The following B3GLCT variants were observed in gnomAD, a reference collection of about 807,000 sequenced individuals.
B3GLCT encodes the protein beta 3-glucosyltransferase, also known as beta-1,3-glucosyltransferase.
A neutral mutation model predicts 63.4 loss-of-function variants in B3GLCT; 65 were observed. The ratio of observed to expected loss-of-function variants is 1.03; its 90% CI spans 0.84 to 1.26. The LOEUF is 1.26. B3GLCT is among the 50% of genes most tolerant of loss of function. The probability of loss-of-function intolerance (pLI) is 0.00; values close to 1 mark genes in which losing one functional copy is unlikely to be tolerated. For missense variants in B3GLCT, 577 were observed against 604.8 expected (o/e 0.95, Z 0.48); for synonymous variants, 233 against 219.2 (o/e 1.06, Z -0.55).
At position 31,322,680 on chromosome 13, in the gene B3GLCT, A is replaced by G. The variant is rs143770431; in HGVS notation, c.1185-1071A>G. Reference sequence around the variant, plus strand: ...TAAAATAATTACATATTAAAATTTCATGCTCACGTTTCATCTTCCTATAAA... The same window carrying G: ...TAAAATAATTACATATTAAAATTTCGTGCTCACGTTTCATCTTCCTATAAA... On this transcript the variant is annotated intron_variant, in intron 13 of 14. Transcript: ENST00000343307. 7.5e-4 allele frequency among the ~76,000 whole-genome samples: 114 copies of G among 152,294 alleles called. 1 individual carries two copies. Among genetic ancestry groups the G allele is most frequent in the African/African-American group, 2.6e-3 (109 of 41,552 alleles).
chr13:31,253,291 CAATT>C (rs2137815957), intron 6 of B3GLCT, among the ~76,000 whole-genome samples: 1 of 152,126 alleles, frequency 6.6e-6, no homozygotes, highest in Admixed American at 6.5e-5. Context: ...TCTAACATCA[CAATT>C]AAAAGAATAG....
chr13:31,242,941 T>G (rs1355022676), intron 4 of B3GLCT, among the ~76,000 whole-genome samples: 1 of 152,206 alleles, frequency 6.6e-6, no homozygotes, highest in Non-Finnish European at 1.5e-5. Flanking sequence ...GGGCCATAAA[T>G]GAATACTGGA....
intron 10 of B3GLCT, among the ~76,000 whole-genome samples, chr13:31,281,996 A>T (rs1036724981): frequency 6.6e-6 from 1 of 152,214 alleles, no homozygotes; most frequent in African/African-American, 2.4e-5. Context: ...TGGCATTTTT[A>T]TAGTAAAATT....
chr13:31,329,400 G>A (rs1875797142), intron 14 of B3GLCT, 101 bp from the exon 15 acceptor site: 4 of 1,290,936 alleles, frequency 3.1e-6, no homozygotes, highest in Non-Finnish European at 4.5e-6. Context: ...GCCAATGTTA[G>A]GTAGTGAAGT....
Position 31,260,876 on chromosome 13 carries a change from G to A in B3GLCT, c.460-70G>A. 4 of 1,424,642 alleles carry A rather than the reference G, an allele frequency of 2.8e-6. No homozygotes were observed. In the South Asian group the frequency reaches 4.7e-5, roughly 17 times the overall value. 88.3% of individuals were successfully genotyped at this position (1,424,642 alleles called of 1,614,324 possible). A position where few individuals can be genotyped will look rare whatever the true frequency, so the allele number is the denominator to read the frequency against. On this transcript the variant is annotated intron_variant, in intron 6 of 14. Coordinates refer to ENST00000343307, the MANE Select transcript of B3GLCT (RefSeq NM_194318.4). ...AATATTTAATTATCTGAAACCAATAGTACCACCTTCTATTGGTCTTACATG... is the reference window on the plus strand; with the variant it reads ...AATATTTAATTATCTGAAACCAATAATACCACCTTCTATTGGTCTTACATG...
At chr13:31,222,628 C>T (rs1188044576) in intron 2 of B3GLCT, among the ~76,000 whole-genome samples, 1 of 152,216 alleles carries the variant, frequency 6.6e-6, no homozygotes, top group East Asian at 1.9e-4. Context: ...AATGGACCCT[C>T]CTGAGAATAT....
chr13:31,268,256 A>T (rs1433219305), intron 7 of B3GLCT, among the ~76,000 whole-genome samples: 1 of 152,192 alleles, frequency 6.6e-6, no homozygotes, highest in East Asian at 1.9e-4. Flanking sequence ...ACCATATGGT[A>T]TTTTGGTGAT....
chr13:31,223,054 T>G, intron 3 of B3GLCT, 63 bp downstream of exon 3: 1 of 1,085,078 alleles, frequency 9.2e-7, no homozygotes, highest in Non-Finnish European at 1.4e-6. Flanking sequence ...GAATTATATT[T>G]CCATGAAGTG....
intron 12 of B3GLCT, among the ~76,000 whole-genome samples, chr13:31,288,725 A>G (rs1873479212): frequency 6.6e-6 from 1 of 152,178 alleles, no homozygotes; most frequent in Non-Finnish European, 1.5e-5. Flanking sequence ...AACCAACAAC[A>G]TATATACATC....
intron 12 of B3GLCT, among the ~76,000 whole-genome samples, chr13:31,302,620 G>T (rs1220176022): frequency 1.7e-5 from 1 of 57,762 alleles, no homozygotes; most frequent in Non-Finnish European, 3.8e-5. Context: ...TTTTCAGACC[G>T]GCTTAAGAAA....
chr13:31,282,026 TTTAAG>T (rs2137872414), intron 10 of B3GLCT, among the ~76,000 whole-genome samples: 1 of 152,306 alleles, frequency 6.6e-6, no homozygotes, highest in African/African-American at 2.4e-5. Flanking sequence ...TTGCTCCAAG[TTTAAG>T]TTATCTCATG....
chr13:31,295,635 A>G (rs1317312022), intron 12 of B3GLCT, among the ~76,000 whole-genome samples: 1 of 152,160 alleles, frequency 6.6e-6, no homozygotes, highest in East Asian at 1.9e-4. Flanking sequence ...CTGCCTACTC[A>G]AGCCTCAGTA....
At position 31,229,303 on chromosome 13, in the gene B3GLCT, C is replaced by T. The variant is rs567259766; in HGVS notation, c.270+9C>T. The T allele has an allele frequency of 8.6e-6, 13 of 1,515,006 alleles. No individual in the cohort carries two copies. Among genetic ancestry groups the T allele is most frequent in the African/African-American group, 4.1e-5 (3 of 72,908 alleles). 93.8% of individuals were successfully genotyped at this position (1,515,006 alleles called of 1,614,324 possible). On this transcript the variant is annotated intron_variant, in intron 4 of 14. Transcript: ENST00000343307. ...CTGCAGATCTTACACAGGTACGTAG[C>T]GATGGCTGGGGGGTCTGCCAGTTAT...
chr13:31,251,376 T>G (rs1488384462), intron 6 of B3GLCT, among the ~76,000 whole-genome samples: 1 of 152,150 alleles, frequency 6.6e-6, no homozygotes, highest in Non-Finnish European at 1.5e-5. Flanking sequence ...TTTGACGAAT[T>G]GACAGAAGTA....
chr13:31,220,442 CAGTG>C (rs1466902821), intron 2 of B3GLCT, among the ~76,000 whole-genome samples: 1 of 152,182 alleles, frequency 6.6e-6, no homozygotes, highest in Non-Finnish European at 1.5e-5. Flanking sequence ...AAAACCTTGA[CAGTG>C]AGCACATTTT....
chr13:31,260,904 A>G (rs1566068071), intron 6 of B3GLCT, 42 bp from the exon 7 acceptor site: 1 of 1,586,934 alleles, frequency 6.3e-7, no homozygotes, highest in Non-Finnish European at 8.7e-7. Flanking sequence ...CTTACATGAA[A>G]TGATTGTTTT....
intron 1 of B3GLCT, among the ~76,000 whole-genome samples, chr13:31,205,171 T>C (rs550348246): frequency 2.0e-5 from 3 of 151,998 alleles, no homozygotes; most frequent in Admixed American, 1.3e-4. Flanking sequence ...TTTGGGTCTG[T>C]AGAGGACAGG....
chr13:31,201,963 G>A (rs1478924151), intron 1 of B3GLCT, among the ~76,000 whole-genome samples: 2 of 152,186 alleles, frequency 1.3e-5, no homozygotes, highest in African/African-American at 2.4e-5. Flanking sequence ...GCACAGACGG[G>A]AGGCTGTATT....
intron 4 of B3GLCT, among the ~76,000 whole-genome samples, chr13:31,240,522 A>C (rs139979224): frequency 1.2e-3 from 172 of 145,998 alleles, no homozygotes; most frequent in African/African-American, 4.2e-3. Flanking sequence ...TCATTTGTTA[A>C]GCCAGGAGAG....
Sources: allele counts gnomAD v4.1 joint callset (sites outside exome capture counted in the v4.1 genomes callset), GRCh38; gene constraint gnomAD v4.1.1; transcripts MANE v1.5; gene names NCBI Gene and HGNC (gene_info 2026-07-23, HGNC 2026-07-21).